CYRIA: variants seen among roughly 807,000 people sequenced by gnomAD.
CYRIA encodes the protein CYFIP related Rac1 interactor A, also known as CYFIP-related Rac1 interactor A.
A neutral mutation model predicts 43.9 loss-of-function variants in CYRIA; 15 were observed. That is an observed-to-expected ratio of 0.34 (90% CI 0.23 to 0.53). The LOEUF (loss-of-function observed/expected upper bound fraction) is 0.53. Ranked by LOEUF, CYRIA falls within the 20% of genes least tolerant of loss-of-function variation. CYRIA has a pLI of 0.94. For missense variants in CYRIA, 236 were observed against 394.2 expected, an observed-to-expected ratio of 0.60 and a Z score of 3.40; for synonymous variants, 117 against 136.0, an observed-to-expected ratio of 0.86 and a Z score of 0.97.
At chr2:16,569,824 G>A (rs765560926) in intron 3 of CYRIA, among the ~76,000 whole-genome samples, 12 of 152,198 alleles carry the variant, frequency 7.9e-5, no homozygotes, top group Admixed American at 3.3e-4. Context: ...TAGACTGTAG[G>A]ACTCTGGTCA....
At chr2:16,560,260 C>T (rs189518810) in intron 9 of CYRIA, among the ~76,000 whole-genome samples, 32 of 152,214 alleles carry the variant, frequency 2.1e-4, no homozygotes, top group Admixed American at 7.2e-4. Context: ...TAAATCTTAA[C>T]TTTGGTACAA....
intron 2 of CYRIA, among the ~76,000 whole-genome samples, chr2:16,611,296 T>G (rs1572504753): frequency 1.3e-5 from 2 of 151,532 alleles, no homozygotes; most frequent in Admixed American, 6.6e-5. Flanking sequence ...ACCCAGGAGG[T>G]GGAGGTTGCA....
At chr2:16,593,904 A>T in intron 2 of CYRIA, among the ~76,000 whole-genome samples, 1 of 128,238 alleles carries the variant, frequency 7.8e-6, no homozygotes, top group South Asian at 2.9e-4. Flanking sequence ...CAGTCCCCAG[A>T]GTGTGATATT....
intron 2 of CYRIA, among the ~76,000 whole-genome samples, chr2:16,591,242 G>C (rs1376470761): frequency 1.3e-5 from 2 of 152,142 alleles, no homozygotes; most frequent in Non-Finnish European, 2.9e-5. Context: ...GAGAGTAGGA[G>C]AGTAAAAGTG....
intron 1 of CYRIA, among the ~76,000 whole-genome samples, chr2:16,632,122 C>T (rs1669345167): frequency 6.6e-6 from 1 of 152,226 alleles, no homozygotes; most frequent in Non-Finnish European, 1.5e-5. Flanking sequence ...AGGCACAGCA[C>T]TCTGGGCTGA....
chr2:16,634,024 G>A (rs975096121), intron 1 of CYRIA, among the ~76,000 whole-genome samples: 3 of 152,070 alleles, frequency 2.0e-5, no homozygotes, highest in Non-Finnish European at 2.9e-5. Context: ...CCAGGCTAAC[G>A]TTGGACCACA....
chr2:16,577,963 A>G (rs1464609714), intron 3 of CYRIA, among the ~76,000 whole-genome samples: 4 of 152,188 alleles, frequency 2.6e-5, no homozygotes, highest in African/African-American at 9.6e-5. Flanking sequence ...TGGTAGACAG[A>G]GCAGAAAAAT....
At chr2:16,647,205 A>G (rs974822618) in intron 1 of CYRIA, among the ~76,000 whole-genome samples, 7 of 152,198 alleles carry the variant, frequency 4.6e-5, no homozygotes, top group Admixed American at 3.9e-4. Context: ...TTCCTTCCAA[A>G]AAGATTTTTT....
chr2:16,601,671 C>T (rs949185628), intron 2 of CYRIA, among the ~76,000 whole-genome samples: 2 of 149,032 alleles, frequency 1.3e-5, no homozygotes, highest in Non-Finnish European at 3.0e-5. Flanking sequence ...AAAACCATGA[C>T]TCTCTTTAAG....
chr2:16,593,716 G>GTTTTTTTTTTTTT (rs1668012009), intron 2 of CYRIA, among the ~76,000 whole-genome samples: 1 of 87,152 alleles, frequency 1.1e-5, no homozygotes, highest in Admixed American at 1.2e-4. Flanking sequence ...TTGTGTGTGT[G>GTTTTTTTTTTTTT]TGTTTTTTTT....
chr2:16,651,786 T>A (rs904141844), intron 1 of CYRIA, among the ~76,000 whole-genome samples: 3 of 152,042 alleles, frequency 2.0e-5, no homozygotes, highest in African/African-American at 7.2e-5. Flanking sequence ...GCCGTGAATT[T>A]TTTTTTTAAT....
chr2:16,629,464 G>A (rs1187870781), intron 1 of CYRIA, among the ~76,000 whole-genome samples: 1 of 152,208 alleles, frequency 6.6e-6, no homozygotes, highest in Non-Finnish European at 1.5e-5. Context: ...ATCAATACAG[G>A]TAAAGTGCAG....
intron 2 of CYRIA, among the ~76,000 whole-genome samples, chr2:16,593,165 T>C (rs62122731): frequency 0.11 from 16,776 of 152,200 alleles, 995 homozygotes; most frequent in Middle Eastern, 0.16. Flanking sequence ...TAGTGTAAGA[T>C]ATTCAGGGAA....
chr2:16,566,147 A>G (rs1185200553), intron 3 of CYRIA, among the ~76,000 whole-genome samples: 1 of 152,132 alleles, frequency 6.6e-6, no homozygotes, highest in Non-Finnish European at 1.5e-5. Context: ...TACTTTTTCA[A>G]TTACTATTTT....
At position 16,588,128 on chromosome 2, in the gene CYRIA, A is replaced by G; in HGVS notation, c.-9T>C. Reference sequence around the variant, plus strand: ...TTGAGCAGGTTTCCCATCCCAGCAAACCTAGGAAAGGCAACACAAAACCAA... The same window carrying G: ...TTGAGCAGGTTTCCCATCCCAGCAAGCCTAGGAAAGGCAACACAAAACCAA... On this transcript the variant is annotated splice_region_variant and 5_prime_UTR_variant, in exon 3 of 12. Transcript: ENST00000381323. 1 of 1,601,360 alleles carries G rather than the reference A, an allele frequency of 6.2e-7. No individual in the cohort carries two copies. Among genetic ancestry groups the G allele is most frequent in the Non-Finnish European group, 8.5e-7 (1 of 1,173,470 alleles).
At chr2:16,611,072 T>G (rs889486790) in intron 2 of CYRIA, among the ~76,000 whole-genome samples, 1 of 151,642 alleles carries the variant, frequency 6.6e-6, no homozygotes, top group African/African-American at 2.4e-5. Context: ...TGAAATCTGG[T>G]GACTAGGCCG....
intron 4 of CYRIA, among the ~76,000 whole-genome samples, chr2:16,564,343 A>G (rs1666854335): frequency 6.6e-6 from 1 of 152,204 alleles, no homozygotes; most frequent in African/African-American, 2.4e-5. Flanking sequence ...TATCTTGAAT[A>G]CAAAAAATTC....
At chr2:16,606,754 C>T (rs1668413471) in intron 2 of CYRIA, among the ~76,000 whole-genome samples, 2 of 152,054 alleles carry the variant, frequency 1.3e-5, no homozygotes, top group South Asian at 4.1e-4. Flanking sequence ...AAAGGCCCTG[C>T]AGAATTCGAT....
At chr2:16,652,958 A>T (rs940468708) in intron 1 of CYRIA, among the ~76,000 whole-genome samples, 2 of 152,316 alleles carry the variant, frequency 1.3e-5, no homozygotes, top group East Asian at 3.9e-4. Flanking sequence ...ATGTTTATTT[A>T]AAAAAATCAC....
Sources: gnomAD v4.1 joint callset for allele counts (sites outside exome capture counted in the v4.1 genomes callset) on GRCh38, gnomAD v4.1.1 for gene constraint, MANE v1.5 for transcripts, NCBI Gene and HGNC (gene_info 2026-07-23, HGNC 2026-07-21) for gene names.